Variants in TNS3 observed in about 807,000 individuals in gnomAD.
The protein encoded by TNS3 is tensin 3, also known as tensin-3.
In TNS3, 45 loss-of-function variants were observed where a neutral mutation model predicts 140.9. The observed-to-expected ratio is 0.32, with a 90% CI of 0.25 to 0.41. The LOEUF (loss-of-function observed/expected upper bound fraction) is 0.41, where lower values mean the gene tolerates loss of function less well. Among genes scored for constraint, TNS3 ranks in the 10% least tolerant of loss-of-function variants. The probability of loss-of-function intolerance (pLI) is 1.00; values close to 1 mark genes in which losing one functional copy is unlikely to be tolerated. For synonymous variants in TNS3, 815 were observed against 788.4 expected (o/e 1.03, Z -0.56); for missense variants, 1,716 against 1,906.7 (o/e 0.90, Z 1.86).
At chr7:47,391,669 T>C (rs146790002) in intron 16 of TNS3, among the ~76,000 whole-genome samples, 1 of 152,014 alleles carries the variant, frequency 6.6e-6, no homozygotes, top group Non-Finnish European at 1.5e-5. Context: ...CCCTGAAGAG[T>C]ACTGTGGGGA....
At position 47,298,987 on chromosome 7, in the gene TNS3, A is replaced by G. The variant is rs985878530; in HGVS notation, c.3545-1774T>C. Among the ~76,000 whole-genome samples, 3 of 152,300 alleles carry G rather than the reference A, an allele frequency of 2.0e-5. No homozygotes were observed. In the South Asian group the frequency reaches 6.2e-4, roughly 32 times the overall value. On this transcript the variant is annotated intron_variant, in intron 23 of 30. Coordinates refer to ENST00000311160, the MANE Select transcript of TNS3 (RefSeq NM_022748.12). The stretch of plus-strand genomic sequence containing the variant: ...TGCTGGTAGCTCCAGCCAGGCCTGC[A>G]GCCGCCCATGCAAGGGACCCAGGGC...
intron 2 of TNS3, among the ~76,000 whole-genome samples, chr7:47,513,755 C>T (rs569666505): frequency 2.6e-5 from 4 of 152,368 alleles, no homozygotes; most frequent in Admixed American, 2.0e-4. Flanking sequence ...CCTTCTCCAG[C>T]CCAGCTTACC....
At chr7:47,289,960 A>G (rs1021347311) in intron 27 of TNS3, among the ~76,000 whole-genome samples, 1 of 152,248 alleles carries the variant, frequency 6.6e-6, no homozygotes, top group Non-Finnish European at 1.5e-5. Context: ...AGAAGAGCAA[A>G]GTTGGAGGAC....
chr7:47,541,348 G>A (rs1799780393), intron 1 of TNS3, among the ~76,000 whole-genome samples: 1 of 151,976 alleles, frequency 6.6e-6, no homozygotes, highest in Non-Finnish European at 1.5e-5. Context: ...GTGTGTATAC[G>A]AACCAGTGCA....
intron 20 of TNS3, among the ~76,000 whole-genome samples, chr7:47,312,148 C>T (rs1299366391): frequency 6.6e-6 from 1 of 152,170 alleles, no homozygotes; most frequent in African/African-American, 2.4e-5. Flanking sequence ...AATACATGTG[C>T]ACGTTTTCTG....
At chr7:47,375,022 T>C (rs1308979805) in intron 16 of TNS3, among the ~76,000 whole-genome samples, 1 of 152,134 alleles carries the variant, frequency 6.6e-6, no homozygotes, top group African/African-American at 2.4e-5. Flanking sequence ...AAAGGTGGGG[T>C]CCTGCCACTC....
chr7:47,330,433 T>C (rs1788271864), intron 20 of TNS3, among the ~76,000 whole-genome samples: 1 of 152,156 alleles, frequency 6.6e-6, no homozygotes, highest in South Asian at 2.1e-4. Context: ...AAACAAACTT[T>C]TATCCAGATC....
intron 1 of TNS3, among the ~76,000 whole-genome samples, chr7:47,575,472 AT>A (rs1800652934): frequency 6.6e-6 from 1 of 152,222 alleles, no homozygotes; most frequent in Admixed American, 6.5e-5. Flanking sequence ...CAATGAGCAC[AT>A]ATTACAAGAA....
At chr7:47,348,361 T>C (rs181822741) in intron 17 of TNS3, among the ~76,000 whole-genome samples, 27 of 152,350 alleles carry the variant, frequency 1.8e-4, no homozygotes, top group African/African-American at 6.5e-4. Flanking sequence ...GGACCTATCT[T>C]TGGAGAGCAC....
At chr7:47,285,566 G>A (rs552001266) in intron 27 of TNS3, among the ~76,000 whole-genome samples, 5 of 152,330 alleles carry the variant, frequency 3.3e-5, no homozygotes, top group African/African-American at 9.6e-5. Context: ...ATGTGAAACT[G>A]TGAGTCCATT....
chr7:47,481,354 A>G, intron 3 of TNS3: 2 of 347,346 alleles, frequency 5.8e-6, no homozygotes, highest in Non-Finnish European at 1.1e-5. Flanking sequence ...TGCTAATGTC[A>G]TGGAAACCAT....
chr7:47,357,480 G>C (rs1159987284), intron 17 of TNS3, among the ~76,000 whole-genome samples: 1 of 152,182 alleles, frequency 6.6e-6, no homozygotes, highest in Non-Finnish European at 1.5e-5. Context: ...AATGCTCCCA[G>C]AAATGGTTTT....
intron 10 of TNS3, among the ~76,000 whole-genome samples, chr7:47,416,287 A>T (rs1030882947): frequency 2.6e-5 from 4 of 152,272 alleles, no homozygotes; most frequent in Admixed American, 2.6e-4. Context: ...ACCCTAAGCC[A>T]GAAACGGCCA....
intron 1 of TNS3, among the ~76,000 whole-genome samples, chr7:47,549,277 G>C (rs1194145143): frequency 6.6e-6 from 1 of 152,190 alleles, no homozygotes; most frequent in African/African-American, 2.4e-5. Flanking sequence ...CAGGTCACGA[G>C]GTCAGGAGAT....
intron 5 of TNS3, among the ~76,000 whole-genome samples, chr7:47,441,211 G>A (rs141859950): frequency 0.014 from 2,100 of 151,808 alleles, 46 homozygotes; most frequent in African/African-American, 0.048. Context: ...ACAGAGTCTC[G>A]CTCTGTCGCC....
At chr7:47,471,563 A>G (rs3801081) in intron 4 of TNS3, among the ~76,000 whole-genome samples, 104,289 of 152,168 alleles carry the variant, frequency 0.69, 35,998 homozygotes, top group East Asian at 0.87. Flanking sequence ...CTGGGGTGAC[A>G]GAAGCCTCAC....
At chr7:47,364,053 A>G (rs1790550360) in intron 17 of TNS3, among the ~76,000 whole-genome samples, 1 of 152,018 alleles carries the variant, frequency 6.6e-6, no homozygotes, top group African/African-American at 2.4e-5. Context: ...ACTCGGAACT[A>G]GCTGCTTTGC....
At chr7:47,384,139 A>G (rs1791936708) in intron 16 of TNS3, among the ~76,000 whole-genome samples, 1 of 151,958 alleles carries the variant, frequency 6.6e-6, no homozygotes, top group Non-Finnish European at 1.5e-5. Context: ...CTTTCCAAGG[A>G]CTCATCCTCC....
intron 3 of TNS3, among the ~76,000 whole-genome samples, chr7:47,489,499 T>C (rs1451734319): frequency 6.6e-6 from 1 of 152,200 alleles, no homozygotes; most frequent in African/African-American, 2.4e-5. Context: ...GAACCTTCTT[T>C]TTCATTCTTT....
Sources: allele counts gnomAD v4.1 joint callset (sites outside exome capture counted in the v4.1 genomes callset), GRCh38; gene constraint gnomAD v4.1.1; transcripts MANE v1.5; gene names NCBI Gene and HGNC (gene_info 2026-07-23, HGNC 2026-07-21).